The following PDCD11 variants were observed in gnomAD, a reference collection of about 807,000 sequenced individuals.
The protein encoded by PDCD11 is programmed cell death 11, also known as protein RRP5 homolog.
Under a neutral mutation model 198.9 loss-of-function variants are expected in PDCD11, and 97 were observed. The ratio of observed to expected loss-of-function variants is 0.49; its 90% CI spans 0.41 to 0.58. PDCD11 has a LOEUF of 0.58. Ranked by LOEUF, PDCD11 falls within the 20% of genes least tolerant of loss-of-function variation. The probability of loss-of-function intolerance (pLI) is 0.00; values close to 1 mark genes in which losing one functional copy is unlikely to be tolerated. For synonymous variants in PDCD11, 893 were observed against 918.0 expected (o/e 0.97, Z 0.49); for missense variants, 2,102 against 2,312.7 (o/e 0.91, Z 1.87).
intron 13 of PDCD11, 84 bp from the exon 14 acceptor site, chr10:103,417,707 CT>C: frequency 3.5e-6 from 5 of 1,431,404 alleles, no homozygotes; most frequent in Non-Finnish European, 4.8e-6. Flanking sequence ...CTCCCAAGTC[CT>C]CTGCAGCAGT....
chr10:103,417,559 A>C (rs2031178250), intron 13 of PDCD11, among the ~76,000 whole-genome samples: 1 of 152,262 alleles, frequency 6.6e-6, no homozygotes, highest in African/African-American at 2.4e-5. Flanking sequence ...AAGAAAAATA[A>C]TTTTTAAGAC....
At chr10:103,404,110 T>C (rs1293440840) in intron 4 of PDCD11, among the ~76,000 whole-genome samples, 2 of 151,510 alleles carry the variant, frequency 1.3e-5, no homozygotes, top group Non-Finnish European at 2.9e-5. Flanking sequence ...TGCCTCAGCC[T>C]CCCCAGTAGC....
At chr10:103,421,698 C>T in intron 17 of PDCD11, 131 bp downstream of exon 17, 1 of 653,000 alleles carries the variant, frequency 1.5e-6, no homozygotes, top group Non-Finnish European at 2.6e-6. Context: ...GGCGCGGTGG[C>T]TCACGCCTGT....
At chr10:103,414,940 G>A (rs980893784) in intron 11 of PDCD11, 65 bp from the exon 12 acceptor site, 2 of 1,578,870 alleles carry the variant, frequency 1.3e-6, no homozygotes, top group African/African-American at 2.7e-5. Context: ...GACATGCCTT[G>A]TTGTAAGAGG....
chr10:103,417,693 A>T, intron 13 of PDCD11, 99 bp from the exon 14 acceptor site: 2 of 1,275,958 alleles, frequency 1.6e-6, no homozygotes, highest in Non-Finnish European at 2.2e-6. Flanking sequence ...AAGGCTCGGT[A>T]GATCTCCCAA....
Position 103,405,103 on chromosome 10 carries a change from G to A in PDCD11, c.484G>A (p.Gly162Ser). ...VVSSLGITDR[G>S]KKSVKLSLNP... ...GAGCAGTCTGGGCATCACAGACAGG[G>A]GCAAGAAGAGTGTCAAGCTGTCTCT... The change falls in exon 5 of 36, where the codon GGC becomes AGC. Residue 162 changes from glycine to serine, a missense_variant. By Grantham distance (56) the Gly-to-Ser change is moderately conservative. Coordinates refer to ENST00000369797, the MANE Select transcript of PDCD11 (RefSeq NM_014976.2). 6.2e-7 allele frequency: 1 copy of A among 1,614,106 alleles called. No individual in the cohort carries two copies. The highest frequency in any genetic ancestry group is 8.5e-7 in the Non-Finnish European group (1 of 1,179,982).
chr10:103,438,560 G>T, intron 26 of PDCD11, 126 bp from the exon 27 acceptor site: 1 of 1,298,626 alleles, frequency 7.7e-7, no homozygotes, highest in East Asian at 2.4e-5. Context: ...GGCTCTAAAG[G>T]TTATATCCTG....
At chr10:103,417,768 C>G (rs2031191098) in intron 13 of PDCD11, 24 bp from the exon 14 acceptor site, 1 of 1,611,116 alleles carries the variant, frequency 6.2e-7, no homozygotes, top group South Asian at 1.1e-5. Context: ...AGGAGTTGGC[C>G]AAGCCTGTGT....
intron 12 of PDCD11, 90 bp from the exon 13 acceptor site, chr10:103,416,401 G>T (rs565952592): frequency 3.6e-6 from 5 of 1,385,296 alleles, no homozygotes; most frequent in Non-Finnish European, 5.0e-6. Context: ...GAATGGCCCC[G>T]TGGCTTTTGG....
intron 5 of PDCD11, 117 bp downstream of exon 5, chr10:103,405,300 T>A: frequency 1.0e-6 from 1 of 984,214 alleles, no homozygotes; most frequent in South Asian, 1.6e-5. Flanking sequence ...GGAGTGGTTC[T>A]TTTTCTGGAA....
At chr10:103,403,389 C>A in intron 4 of PDCD11, 104 bp downstream of exon 4, 1 of 1,051,720 alleles carries the variant, frequency 9.5e-7, no homozygotes, top group South Asian at 1.6e-5. Context: ...TACAAGGTCC[C>A]GTGAGAGTTT....
chr10:103,398,124 G>A (rs1406837901), intron 1 of PDCD11, among the ~76,000 whole-genome samples: 1 of 152,226 alleles, frequency 6.6e-6, no homozygotes, highest in Non-Finnish European at 1.5e-5. Flanking sequence ...TTCATCTGTA[G>A]AGCTACAGTG....
At position 103,418,602 on chromosome 10, in the gene PDCD11, G is replaced by A; in HGVS notation, c.2074G>A (p.Val692Ile). The change falls in exon 15 of 36, where the codon GTC (valine) becomes ATC (isoleucine). Residue 692 changes from valine (V) to isoleucine (I), a missense_variant. Transcript: ENST00000369797. ...CCAGGCAGGTGACATCCTTCACCGAGTCCTGTGTCTGAGCCAGAGCGAGGG... is the reference window on the plus strand; with the variant it reads ...CCAGGCAGGTGACATCCTTCACCGAATCCTGTGTCTGAGCCAGAGCGAGGG... ...WLQAGDILHR[V>I]LCLSQSEGRV... The A allele has an allele frequency of 1.2e-6, 2 of 1,614,186 alleles. No homozygotes were observed. Among genetic ancestry groups the A allele is most frequent in the Non-Finnish European group, 1.7e-6 (2 of 1,180,016 alleles).
intron 25 of PDCD11, among the ~76,000 whole-genome samples, chr10:103,436,120 A>G (rs908061502): frequency 1.3e-5 from 2 of 148,274 alleles, no homozygotes; most frequent in Non-Finnish European, 3.0e-5. Context: ...TTTTGTTTTG[A>G]GACAGAGTCT....
Position 103,419,628 on chromosome 10 carries a change from A to G in PDCD11, c.2197A>G (p.Ile733Val), listed in dbSNP as rs1394884950. Reference protein sequence around the residue: ...FSEIHPGMLLIGFVKSIKDYG... With the variant: ...FSEIHPGMLLVGFVKSIKDYG... ...AGAAATCCATCCTGGAATGCTGCTC[A>G]TTGGTTTTGTGAAGAGCATCAAGGA... The change falls in exon 16 of 36, where the codon ATT (isoleucine) becomes GTT (valine). Residue 733 changes from isoleucine (I) to valine (V), a missense_variant. Transcript: ENST00000369797. 3 of 1,614,088 alleles carry G rather than the reference A, an allele frequency of 1.9e-6. No individual in the cohort carries two copies. The East Asian group carries it at 6.7e-5, about 36-fold the overall frequency.
intron 25 of PDCD11, among the ~76,000 whole-genome samples, chr10:103,435,424 A>T (rs1396021547): frequency 6.6e-6 from 1 of 151,762 alleles, no homozygotes; most frequent in Non-Finnish European, 1.5e-5. Flanking sequence ...TTGTACATAT[A>T]TTTGGGTTTT....
chr10:103,421,619 G>A, intron 17 of PDCD11, 52 bp downstream of exon 17: 1 of 1,381,006 alleles, frequency 7.2e-7, no homozygotes. Flanking sequence ...AGTATGTGTT[G>A]TAAATTACAC....
intron 35 of PDCD11, among the ~76,000 whole-genome samples, chr10:103,444,966 G>A (rs2032540471): frequency 6.6e-6 from 1 of 152,192 alleles, no homozygotes; most frequent in Non-Finnish European, 1.5e-5. Context: ...ACTTTCACAG[G>A]CATTCTCTTG....
At position 103,421,444 on chromosome 10, in the gene PDCD11, C is replaced by T. The variant is rs752131195; in HGVS notation, c.2374C>T (p.Arg792Trp). Residue 792 changes from arginine (R) to tryptophan (W), a missense_variant, in exon 17 of 36, where the codon CGG becomes TGG. Transcript: ENST00000369797. ...KVTNVDEEKQ[R>W]MLLSLRLSDC... ...GACCAATGTGGATGAGGAGAAGCAGCGGATGCTGCTGTCACTGCGGCTGTC... is the reference window on the plus strand; with the variant it reads ...GACCAATGTGGATGAGGAGAAGCAGTGGATGCTGCTGTCACTGCGGCTGTC... 6.2e-6 allele frequency: 10 copies of T among 1,605,454 alleles called. No homozygotes were observed. Among genetic ancestry groups the T allele is most frequent in the South Asian group, 2.2e-5 (2 of 89,298 alleles).
Sources: allele counts gnomAD v4.1 joint callset (sites outside exome capture counted in the v4.1 genomes callset), GRCh38; gene constraint gnomAD v4.1.1; transcripts MANE v1.5; gene names NCBI Gene and HGNC (gene_info 2026-07-23, HGNC 2026-07-21).